Variants in FAM184B observed in about 807,000 individuals in gnomAD.
The protein encoded by FAM184B is protein FAM184B.
Under a neutral mutation model 135.9 loss-of-function variants are expected in FAM184B, and 111 were observed. The observed-to-expected ratio is 0.82, with a 90% CI of 0.70 to 0.96. The LOEUF (loss-of-function observed/expected upper bound fraction) is 0.96, where lower values mean the gene tolerates loss of function less well. Ranked by LOEUF, FAM184B falls within the 40% of genes least tolerant of loss-of-function variation. The probability of loss-of-function intolerance (pLI) is 0.00; values close to 1 mark genes in which losing one functional copy is unlikely to be tolerated. For synonymous variants in FAM184B, 552 were observed against 524.8 expected (o/e 1.05, Z -0.71); for missense variants, 1,375 against 1,323.9 (o/e 1.04, Z -0.60).
rs1284298338 is a variant in FAM184B at position 17,660,065 on chromosome 4, C to G, written c.1717G>C (p.Gly573Arg). Residue 573 changes from glycine to arginine, a missense_variant, in exon 9 of 18, where the codon GGA (glycine) becomes CGA (arginine). Coordinates refer to ENST00000265018, the MANE Select transcript of FAM184B (RefSeq NM_015688.2). ...CCCAGTGGAGGTTGTGGGTCACTTCCCTCCTTGAGAAGCACTTTGGTCCTT... is the reference window on the plus strand; with the variant it reads ...CCCAGTGGAGGTTGTGGGTCACTTCGCTCCTTGAGAAGCACTTTGGTCCTT... ...EERTKVLLKE[G>R]SDPQPPLGSL... 1 of 1,551,514 alleles carries G rather than the reference C, an allele frequency of 6.4e-7. No homozygotes were observed. Among genetic ancestry groups the G allele is most frequent in the African/African-American group, 1.4e-5 (1 of 73,150 alleles).
chr4:17,653,085 C>G, intron 10 of FAM184B, 102 bp from the exon 11 acceptor site: 1 of 1,124,378 alleles, frequency 8.9e-7, no homozygotes, highest in Non-Finnish European at 1.3e-6. Context: ...TCTGAACACT[C>G]GCACTCTCCC....
intron 5 of FAM184B, among the ~76,000 whole-genome samples, chr4:17,696,244 C>T (rs2108960023): frequency 6.6e-6 from 1 of 152,326 alleles, no homozygotes; most frequent in Middle Eastern, 3.4e-3. Flanking sequence ...AAGATTTGAA[C>T]TCAGGAAAGC....
chr4:17,752,388 C>A (rs1718325256), intron 1 of FAM184B, among the ~76,000 whole-genome samples: 1 of 150,726 alleles, frequency 6.6e-6, no homozygotes, highest in Admixed American at 6.6e-5. Context: ...GAGGAGCAGG[C>A]AATGAAAAGA....
intron 10 of FAM184B, among the ~76,000 whole-genome samples, chr4:17,656,218 T>C (rs903983044): frequency 2.0e-5 from 3 of 152,104 alleles, no homozygotes; most frequent in African/African-American, 7.2e-5. Flanking sequence ...AGCTCAGGGA[T>C]ACACAAAGGT....
In FAM184B at chr4:17,632,303, G is replaced by T; in HGVS notation, c.*229C>A. 3.1e-6 allele frequency: 1 copy of T among 326,658 alleles called. No individual in the cohort carries two copies. 20.2% of individuals were successfully genotyped at this position (326,658 alleles called of 1,614,324 possible). A position where few individuals can be genotyped will look rare whatever the true frequency, so the allele number is the denominator to read the frequency against. ...TTGGCCAGGCTGGTCTCAAATTCCT[G>T]GACTCAAGCAGTCCATCTGCCTCAG... On this transcript the variant is annotated 3_prime_UTR_variant, in exon 18 of 18. Transcript: ENST00000265018.
chr4:17,773,664 G>T (rs1040733831), intron 1 of FAM184B, among the ~76,000 whole-genome samples: 1 of 152,114 alleles, frequency 6.6e-6, no homozygotes, highest in South Asian at 2.1e-4. Context: ...TGCAACCTCC[G>T]CCTCCCGGGT....
At chr4:17,742,541 G>A (rs371729019) in intron 1 of FAM184B, among the ~76,000 whole-genome samples, 1 of 152,032 alleles carries the variant, frequency 6.6e-6, no homozygotes, top group Non-Finnish European at 1.5e-5. Flanking sequence ...GGCCTGCCTC[G>A]CCCTGCCCCT....
chr4:17,694,076 G>C (rs1450488278), intron 5 of FAM184B, among the ~76,000 whole-genome samples: 1 of 152,168 alleles, frequency 6.6e-6, no homozygotes, highest in Non-Finnish European at 1.5e-5. Context: ...ACATTCTGGG[G>C]ACCACATGAG....
chr4:17,688,454 G>A lies in FAM184B; in HGVS notation c.1566C>T (p.Gly522=). ...TGAEESPQEL[G]RQHCSILETQ... is the part of the protein sequence containing the mutation. ...TCTCCAGAATGCTGCAGTGCTGGCG[G>A]CCTAATTCCTGGGGACTTTCCTCAG... Residue 522 remains glycine, a synonymous_variant, in exon 7 of 18, where the codon GGC becomes GGT. Coordinates refer to ENST00000265018, the MANE Select transcript of FAM184B (RefSeq NM_015688.2). 1.3e-6 allele frequency: 2 copies of A among 1,550,880 alleles called. No homozygotes were observed. Among genetic ancestry groups the A allele is most frequent in the Non-Finnish European group, 1.7e-6 (2 of 1,146,756 alleles).
intron 1 of FAM184B, among the ~76,000 whole-genome samples, chr4:17,749,683 A>G (rs1045871257): frequency 1.3e-5 from 2 of 152,210 alleles, no homozygotes; most frequent in South Asian, 4.1e-4. Context: ...AAAAATAAAC[A>G]TGGCTGTATC....
chr4:17,769,726 A>T (rs1718771744), intron 1 of FAM184B, among the ~76,000 whole-genome samples: 1 of 152,146 alleles, frequency 6.6e-6, no homozygotes, highest in Non-Finnish European at 1.5e-5. Context: ...GTGAAATTTG[A>T]TATATTACTT....
intron 1 of FAM184B, among the ~76,000 whole-genome samples, chr4:17,740,098 T>C (rs1717998600): frequency 1.3e-5 from 2 of 152,164 alleles, no homozygotes; most frequent in African/African-American, 4.8e-5. Flanking sequence ...ACGCCTATAA[T>C]TCTAGCACTT....
At chr4:17,739,719 T>G (rs921108715) in intron 1 of FAM184B, among the ~76,000 whole-genome samples, 10 of 151,680 alleles carry the variant, frequency 6.6e-5, no homozygotes, top group Non-Finnish European at 1.3e-4. Flanking sequence ...GATGTTCAAC[T>G]AATTTTTGTA....
intron 13 of FAM184B, among the ~76,000 whole-genome samples, chr4:17,640,019 G>A (rs944158274): frequency 5.3e-5 from 8 of 151,214 alleles, no homozygotes; most frequent in South Asian, 2.1e-4. Flanking sequence ...TAGTAAAGAC[G>A]GGGGGTTTCA....
At chr4:17,750,038 A>G (rs981100033) in intron 1 of FAM184B, among the ~76,000 whole-genome samples, 1 of 152,206 alleles carries the variant, frequency 6.6e-6, no homozygotes, top group Non-Finnish European at 1.5e-5. Flanking sequence ...CTTATAAATA[A>G]TGGTGTTTAG....
chr4:17,781,403 G>T lies in FAM184B; in HGVS notation c.-104C>A. Reference sequence around the variant, plus strand: ...GCGAGCGTGTGGGTTTCTCGGGAGAGGTGGCACTGCAGTCCCGTCGCCTGC... The same window carrying T: ...GCGAGCGTGTGGGTTTCTCGGGAGATGTGGCACTGCAGTCCCGTCGCCTGC... On this transcript the variant is annotated 5_prime_UTR_variant, in exon 1 of 18. Coordinates refer to ENST00000265018, the MANE Select transcript of FAM184B (RefSeq NM_015688.2). The surrounding 1 kb of genome is among the most constrained non-coding windows in gnomAD (Gnocchi z 6.5). The T allele has an allele frequency of 3.7e-6, 5 of 1,355,688 alleles. No homozygotes were observed. Among genetic ancestry groups the T allele is most frequent in the Non-Finnish European group, 3.8e-6 (4 of 1,039,686 alleles). 84.0% of individuals were successfully genotyped at this position (1,355,688 alleles called of 1,614,324 possible). A position where few individuals can be genotyped will look rare whatever the true frequency, so the allele number is the denominator to read the frequency against.
Position 17,781,377 on chromosome 4 carries a change from T to A in FAM184B, c.-78A>T. On this transcript the variant is annotated 5_prime_UTR_variant, in exon 1 of 18. Transcript: ENST00000265018. This position sits in a 1 kb window ranked among gnomAD's most constrained non-coding sequence, Gnocchi z 6.5. ...GTGCACGTGCGTGCGCGCGCGGGCG[T>A]GCGAGCGTGTGGGTTTCTCGGGAGA... 1 of 1,398,408 alleles carries A rather than the reference T, an allele frequency of 7.2e-7. No individual in the cohort carries two copies. The highest frequency in any genetic ancestry group is 9.3e-7 in the Non-Finnish European group (1 of 1,070,334). 86.6% of individuals were successfully genotyped at this position (1,398,408 alleles called of 1,614,324 possible).
At chr4:17,646,444 G>A (rs1352855635) in intron 12 of FAM184B, among the ~76,000 whole-genome samples, 2 of 152,152 alleles carry the variant, frequency 1.3e-5, no homozygotes, top group African/African-American at 4.8e-5. Context: ...CATGGATGAA[G>A]CTGGAAACCA....
chr4:17,693,272 C>T (rs1455274580), intron 6 of FAM184B, 30 bp downstream of exon 6: 2 of 1,514,896 alleles, frequency 1.3e-6, no homozygotes, highest in South Asian at 1.2e-5. Flanking sequence ...AGAAACAGCA[C>T]CCCAAGGCTT....
Sources: allele counts gnomAD v4.1 joint callset (sites outside exome capture counted in the v4.1 genomes callset), GRCh38; gene constraint gnomAD v4.1.1; non-coding constraint Gnocchi (gnomAD v3.1); transcripts MANE v1.5; gene names NCBI Gene and HGNC (gene_info 2026-07-23, HGNC 2026-07-21).